ANKRD11: variants seen among roughly 807,000 people sequenced by gnomAD.
ANKRD11 encodes ankyrin repeat domain 11.
In ANKRD11, 17 loss-of-function variants were observed where a neutral mutation model predicts 195.7. The observed-to-expected ratio is 0.09, with a 90% confidence interval of 0.06 to 0.13. The LOEUF is 0.13. Ranked by LOEUF, ANKRD11 falls within the 10% of genes least tolerant of loss-of-function variation. The pLI is 1.00. For synonymous variants in ANKRD11, 1,953 were observed against 1,528.1 expected, an observed-to-expected ratio of 1.28 and a Z score of -6.49; for missense variants, 3,735 against 3,566.1, an observed-to-expected ratio of 1.05 and a Z score of -1.21.
chr16:89,468,525 C>T (rs939881524), intron 1 of ANKRD11, among the ~76,000 whole-genome samples: 1 of 152,070 alleles, frequency 6.6e-6, no homozygotes, highest in African/African-American at 2.4e-5. Flanking sequence ...GCCAACATGT[C>T]GAAATCCTGT....
At chr16:89,321,496 C>A (rs1052063071) in intron 2 of ANKRD11, among the ~76,000 whole-genome samples, 6 of 151,238 alleles carry the variant, frequency 4.0e-5, no homozygotes, top group African/African-American at 1.5e-4. Context: ...GGAGCCGCAG[C>A]TGCGGGGCAG....
intron 1 of ANKRD11, chr16:89,459,145 C>A: frequency 1.1e-5 from 2 of 186,090 alleles, no homozygotes; most frequent in South Asian, 2.2e-4. Flanking sequence ...TCTAAGAAAT[C>A]AAGACAACCT....
intron 1 of ANKRD11, among the ~76,000 whole-genome samples, chr16:89,473,142 T>C (rs1404709149): frequency 6.6e-6 from 1 of 150,432 alleles, no homozygotes; most frequent in Non-Finnish European, 1.5e-5. Flanking sequence ...ATCACACCAC[T>C]GCCCTCCAGC....
At position 89,280,180 on chromosome 16, in the gene ANKRD11, G is replaced by A. The variant is rs747992186; in HGVS notation, c.6362C>T (p.Ala2121Val). 20 of 1,608,830 alleles carry A rather than the reference G, an allele frequency of 1.2e-5. No homozygotes were observed. The highest frequency in any genetic ancestry group is 5.3e-5 in the African/African-American group (4 of 74,886). Residue 2121 changes from alanine (A) to valine (V), a missense_variant, in exon 9 of 13, where the codon GCG (alanine) becomes GTG (valine). Physicochemically the swap from Ala to Val is moderately conservative, Grantham distance 64. Coordinates refer to ENST00000301030, the MANE Select transcript of ANKRD11 (RefSeq NM_013275.6). ...GTCCTCGGGGCCGGCGAAGGCGTCC[G>A]CCCAGGGCACCGGCTCCACCTGGCC... ...HLGQVEPVPW[A>V]DAFAGPEDDL...
chr16:89,314,035 G>A (rs1227022948), intron 3 of ANKRD11, among the ~76,000 whole-genome samples: 2 of 152,164 alleles, frequency 1.3e-5, no homozygotes, highest in Admixed American at 6.5e-5. Context: ...ACCAGCCTTG[G>A]CAACATGGTA....
chr16:89,466,796 A>G (rs2056900802), intron 1 of ANKRD11, among the ~76,000 whole-genome samples: 1 of 152,250 alleles, frequency 6.6e-6, no homozygotes, highest in Non-Finnish European at 1.5e-5. Flanking sequence ...AAAAGATGCA[A>G]AGAGCCAAGT....
chr16:89,430,246 G>C (rs541492096), intron 1 of ANKRD11, among the ~76,000 whole-genome samples: 10 of 120,232 alleles, frequency 8.3e-5, no homozygotes. Flanking sequence ...GCGCTCAGTC[G>C]TTCTAGTACA....
rs149497497 is a variant in ANKRD11, at chr16:89,330,630, G to T, written c.-59-13552C>A. Among the ~76,000 whole-genome samples, 274 of 135,962 alleles carry T rather than the reference G, an allele frequency of 2.0e-3. 12 individuals are homozygous for T. In the East Asian group the frequency reaches 0.061, roughly 30 times the overall value. The allele number at this position is 135,962 out of a possible 152,430, so 89.2% of individuals were successfully genotyped here. A position where few individuals can be genotyped will look rare whatever the true frequency, so the allele number is the denominator to read the frequency against. ...GGCTGCGTGAGGGTCCTCGTGACAC[G>T]GCAGTAGGTTTCCCCAGTACAGTGA... is the stretch of plus-strand genomic sequence containing the variant. On this transcript the variant is annotated intron_variant, in intron 2 of 12. Coordinates refer to ENST00000301030, the MANE Select transcript of ANKRD11 (RefSeq NM_013275.6).
intron 2 of ANKRD11, chr16:89,323,416 G>A (rs1410633019): frequency 2.7e-6 from 3 of 1,099,952 alleles, no homozygotes; most frequent in Admixed American, 2.4e-5. Flanking sequence ...GGGCAGGGGG[G>A]CTGAGCCGAG....
chr16:89,422,725 G>C (rs954867433), intron 1 of ANKRD11, among the ~76,000 whole-genome samples: 3 of 152,104 alleles, frequency 2.0e-5, no homozygotes, highest in African/African-American at 7.2e-5. Context: ...GGGCAGACCT[G>C]ATGCTTATTT....
intron 2 of ANKRD11, among the ~76,000 whole-genome samples, chr16:89,379,604 G>C (rs1271781779): frequency 6.6e-6 from 1 of 152,178 alleles, no homozygotes; most frequent in Non-Finnish European, 1.5e-5. Flanking sequence ...TCAGCCTCCT[G>C]GCTCCAACTT....
chr16:89,476,646 A>G (rs914451511), intron 1 of ANKRD11, among the ~76,000 whole-genome samples: 2 of 152,214 alleles, frequency 1.3e-5, no homozygotes, highest in African/African-American at 4.8e-5. Context: ...AGCCGCAGGC[A>G]CTAGCCTGCC....
rs34799616 is a variant in ANKRD11 at position 89,338,726 on chromosome 16, C to CAAAAAAA, written c.-59-21655_-59-21649dup. Among the ~76,000 whole-genome samples, 12 of 43,798 alleles carry CAAAAAAA rather than the reference C, an allele frequency of 2.7e-4. 1 individual carries two copies. The highest frequency in any genetic ancestry group is 7.1e-4 in the African/African-American group (7 of 9,842). 28.7% of individuals were successfully genotyped at this position (43,798 alleles called of 152,430 possible). On this transcript the variant is annotated intron_variant, in intron 2 of 12. Coordinates refer to ENST00000301030, the MANE Select transcript of ANKRD11 (RefSeq NM_013275.6). ...GGCAGCAAAGAGCAACACTCAGTCT[C>CAAAAAAA]AAAAAAAAAAAAAAAAAAAAAAAAG... is the stretch of plus-strand genomic sequence containing the variant.
chr16:89,326,460 T>G (rs1168636801), intron 2 of ANKRD11, among the ~76,000 whole-genome samples: 2 of 147,142 alleles, frequency 1.4e-5, no homozygotes, highest in African/African-American at 5.1e-5. Context: ...ATTACACAAA[T>G]AGGGCCAGGC....
chr16:89,443,559 C>T (rs2152299536), intron 1 of ANKRD11: 2 of 152,362 alleles, frequency 1.3e-5, no homozygotes, highest in East Asian at 3.9e-4. Context: ...TAGCACCACC[C>T]ACATGGAAGG....
intron 3 of ANKRD11, among the ~76,000 whole-genome samples, chr16:89,314,552 C>A (rs542417477): frequency 6.6e-6 from 1 of 152,158 alleles, no homozygotes. Flanking sequence ...TTTCTCGTCT[C>A]GTGCTACCCT....
chr16:89,451,710 C>T (rs929506843), intron 1 of ANKRD11, among the ~76,000 whole-genome samples: 1 of 152,092 alleles, frequency 6.6e-6, no homozygotes, highest in Admixed American at 6.5e-5. Context: ...AGCCACCGCA[C>T]CTGGCCCATT....
chr16:89,349,387 G>C (rs376260508), intron 2 of ANKRD11, among the ~76,000 whole-genome samples: 14 of 152,016 alleles, frequency 9.2e-5, no homozygotes, highest in African/African-American at 3.1e-4. Context: ...GGCTGAGGCA[G>C]GAGAATGGCG....
chr16:89,319,919 T>G (rs969627739), intron 2 of ANKRD11: 1 of 152,606 alleles, frequency 6.6e-6, no homozygotes, highest in Non-Finnish European at 1.5e-5. Flanking sequence ...TCTGGCACCT[T>G]TGGCCCCCAC....
Sources: allele counts gnomAD v4.1 joint callset (sites outside exome capture counted in the v4.1 genomes callset), GRCh38; gene constraint gnomAD v4.1.1; transcripts MANE v1.5; gene names NCBI Gene and HGNC (gene_info 2026-07-23, HGNC 2026-07-21).